Variants in CFAP61 observed in about 807,000 individuals in gnomAD.
CFAP61 encodes the protein cilia- and flagella-associated protein 61.
A neutral mutation model predicts 135.6 loss-of-function variants in CFAP61; 107 were observed. That is an observed-to-expected ratio of 0.79 (90% CI 0.67 to 0.93). The LOEUF is 0.93. Among genes scored for constraint, CFAP61 ranks in the 40% least tolerant of loss-of-function variants. CFAP61 has a pLI of 0.00. For synonymous variants in CFAP61, 575 were observed against 578.5 expected, an observed-to-expected ratio of 0.99 and a Z score of 0.09; for missense variants, 1,507 against 1,556.2, an observed-to-expected ratio of 0.97 and a Z score of 0.53.
At chr20:20,223,579 G>A (rs1201548793) in intron 17 of CFAP61, among the ~76,000 whole-genome samples, 1 of 152,066 alleles carries the variant, frequency 6.6e-6, no homozygotes, top group Non-Finnish European at 1.5e-5. Flanking sequence ...AGTAACTCCC[G>A]ATTTTGAATC....
At chr20:20,132,050 G>A (rs367623597) in intron 8 of CFAP61, among the ~76,000 whole-genome samples, 1 of 151,920 alleles carries the variant, frequency 6.6e-6, no homozygotes, top group Non-Finnish European at 1.5e-5. Flanking sequence ...TAAATGAAAG[G>A]TTATACCTAT....
intron 25 of CFAP61, among the ~76,000 whole-genome samples, chr20:20,336,396 G>A (rs149650533): frequency 2.0e-5 from 3 of 152,208 alleles, no homozygotes; most frequent in African/African-American, 7.2e-5. Context: ...CTACTTGGGA[G>A]GATTACTTGA....
intron 8 of CFAP61, among the ~76,000 whole-genome samples, chr20:20,120,742 C>G (rs1209070465): frequency 6.6e-6 from 1 of 152,106 alleles, no homozygotes; most frequent in Non-Finnish European, 1.5e-5. Flanking sequence ...GAAGCCCTTA[C>G]TACTATTACG....
intron 9 of CFAP61, among the ~76,000 whole-genome samples, chr20:20,155,215 G>A (rs1175878217): frequency 3.9e-5 from 6 of 152,074 alleles, no homozygotes; most frequent in East Asian, 3.9e-4. Flanking sequence ...GAAAACTGGC[G>A]AGCCACATGT....
At chr20:20,083,181 G>A (rs540187037) in intron 6 of CFAP61, among the ~76,000 whole-genome samples, 1 of 152,280 alleles carries the variant, frequency 6.6e-6, no homozygotes, top group South Asian at 2.1e-4. Context: ...ACAAAATAAT[G>A]TCTTTTGTTG....
chr20:20,071,176 G>T (rs1406420162), intron 3 of CFAP61, among the ~76,000 whole-genome samples, 172 bp downstream of exon 3: 1 of 152,214 alleles, frequency 6.6e-6, no homozygotes, highest in Non-Finnish European at 1.5e-5. Context: ...TGCCAGGGGG[G>T]ATAGGAAAGG....
Position 20,340,813 on chromosome 20 carries a change from G to A in CFAP61, c.3423-1018G>A, listed in dbSNP as rs534728927. On this transcript the variant is annotated intron_variant, in intron 25 of 26. Transcript: ENST00000245957. ...ATGAACATACCACCTAAACAGCAACGCGGGCAAGTCAGCAGGAACTGATGC... is the reference window on the plus strand; with the variant it reads ...ATGAACATACCACCTAAACAGCAACACGGGCAAGTCAGCAGGAACTGATGC... Among the ~76,000 whole-genome samples the A allele has an allele frequency of 1.4e-4, 21 of 152,248 alleles. No homozygotes were observed. In the East Asian group the frequency reaches 3.5e-3, roughly 25 times the overall value.
chr20:20,165,170 TTCTCAGG>T (rs2053725888), intron 11 of CFAP61, among the ~76,000 whole-genome samples: 2 of 152,188 alleles, frequency 1.3e-5, no homozygotes, highest in African/African-American at 4.8e-5. Context: ...ACCACTGACA[TTCTCAGG>T]TCTCAGGTCT....
intron 21 of CFAP61, among the ~76,000 whole-genome samples, chr20:20,266,553 A>G (rs1469048191): frequency 6.6e-6 from 1 of 152,224 alleles, no homozygotes; most frequent in African/African-American, 2.4e-5. Flanking sequence ...AGTTTTATCA[A>G]AACTTTTTGC....
chr20:20,054,778 T>A (rs180785976), intron 1 of CFAP61, among the ~76,000 whole-genome samples: 1 of 152,274 alleles, frequency 6.6e-6, no homozygotes, highest in Non-Finnish European at 1.5e-5. Context: ...ATAGACAGTC[T>A]GTCTTTTGTC....
At chr20:20,197,330 C>T (rs539758106) in intron 16 of CFAP61, among the ~76,000 whole-genome samples, 115 of 152,258 alleles carry the variant, frequency 7.6e-4, no homozygotes, top group African/African-American at 2.3e-3. Flanking sequence ...GTAATAGACG[C>T]GAATCTGATG....
Position 20,090,844 on chromosome 20 carries a change from G to A in CFAP61, c.567G>A (p.Arg189=), listed in dbSNP as rs776491977. 3.7e-6 allele frequency: 6 copies of A among 1,614,082 alleles called. No individual in the cohort carries two copies. Among genetic ancestry groups the A allele is most frequent in the Non-Finnish European group, 5.1e-6 (6 of 1,179,976 alleles). ...GAACTTCAGCCTTTCTATTAAACAG[G>A]GTGGAAGACCATGACGATCTCATGC... ...HYPQLHVRKA[R]VEDHDDLMPI... Residue 189 remains arginine, a splice_region_variant and synonymous_variant, in exon 7 of 27, where the codon AGG becomes AGA. Transcript: ENST00000245957.
At position 20,320,373 on chromosome 20, in the gene CFAP61, T is replaced by TAA. The variant is rs2057394738; in HGVS notation, c.3423-21458_3423-21457insAA. On this transcript the variant is annotated intron_variant, in intron 25 of 26. Coordinates refer to ENST00000245957, the MANE Select transcript of CFAP61 (RefSeq NM_015585.4). ...ATATATATAATATATGTAATATATA[T>TAA]TATATATATGTAATATATATAATAT... Among the ~76,000 whole-genome samples, 18 of 40,322 alleles carry TAA rather than the reference T, an allele frequency of 4.5e-4. 2 individuals carry two copies. In the East Asian group the frequency reaches 8.6e-3, roughly 19 times the overall value. The allele number at this position is 40,322 out of a possible 152,430, so 26.5% of individuals were successfully genotyped here.
intron 13 of CFAP61, chr20:20,171,887 C>A: frequency 1.6e-6 from 1 of 642,222 alleles, no homozygotes; most frequent in South Asian, 1.9e-5. Context: ...CTTCCTTGTG[C>A]TCAGAGCTAG....
intron 24 of CFAP61, among the ~76,000 whole-genome samples, chr20:20,294,636 T>C (rs1286836494): frequency 2.0e-5 from 3 of 152,126 alleles, no homozygotes; most frequent in African/African-American, 7.2e-5. Context: ...CGTTTAAAAA[T>C]AATACCAAAA....
At chr20:20,163,524 C>A (rs1358223799) in intron 10 of CFAP61, among the ~76,000 whole-genome samples, 1 of 152,072 alleles carries the variant, frequency 6.6e-6, no homozygotes, top group Non-Finnish European at 1.5e-5. Context: ...AAAATATGGA[C>A]CCTATGTCAA....
At chr20:20,144,996 C>T (rs534844770) in intron 9 of CFAP61, among the ~76,000 whole-genome samples, 25 of 152,214 alleles carry the variant, frequency 1.6e-4, no homozygotes, top group East Asian at 1.4e-3. Context: ...TGGAAAGGTG[C>T]ATCACCAGCA....
At chr20:20,168,754 C>T (rs369775718) in intron 12 of CFAP61, among the ~76,000 whole-genome samples, 113 of 152,284 alleles carry the variant, frequency 7.4e-4, no homozygotes, top group African/African-American at 2.6e-3. Flanking sequence ...TGCAAGACCT[C>T]TTATGTCTGC....
chr20:20,327,787 A>C (rs959244771), intron 25 of CFAP61, among the ~76,000 whole-genome samples: 9 of 76,652 alleles, frequency 1.2e-4, no homozygotes, highest in African/African-American at 5.8e-4. Context: ...CAAAAAAAAA[A>C]AAAAAAAAAA....
Sources: gnomAD v4.1 joint callset for allele counts (sites outside exome capture counted in the v4.1 genomes callset) on GRCh38, gnomAD v4.1.1 for gene constraint, MANE v1.5 for transcripts, NCBI Gene and HGNC (gene_info 2026-07-23, HGNC 2026-07-21) for gene names.